Variants in TMEM243 observed in about 807,000 individuals in gnomAD.
TMEM243 encodes MDR1 and mitochondrial taxol resistance associated.
A neutral mutation model predicts 15.0 loss-of-function variants in TMEM243; 20 were observed. The observed-to-expected ratio is 1.33, with a 90% CI of 0.94 to 1.93. The LOEUF (loss-of-function observed/expected upper bound fraction) is 1.93. TMEM243 is among the 30% of genes most tolerant of loss of function. The pLI, the probability that TMEM243 is intolerant of heterozygous loss-of-function variation, is 0.00. For synonymous variants in TMEM243, 72 were observed against 52.7 expected, an observed-to-expected ratio of 1.37 and a Z score of -1.59; for missense variants, 156 against 142.1, an observed-to-expected ratio of 1.10 and a Z score of -0.50.
At chr7:87,204,870 C>T (rs1802093081) in intron 1 of TMEM243, among the ~76,000 whole-genome samples, 1 of 152,256 alleles carries the variant, frequency 6.6e-6, no homozygotes, top group Non-Finnish European at 1.5e-5. Flanking sequence ...GGAGCTTCAA[C>T]CCCACATTTC....
chr7:87,199,908 T>C (rs1156859485), intron 1 of TMEM243, among the ~76,000 whole-genome samples: 1 of 152,228 alleles, frequency 6.6e-6, no homozygotes, highest in Non-Finnish European at 1.5e-5. Context: ...TGCAGTCTTA[T>C]TTCTGAGAAG....
intron 1 of TMEM243, among the ~76,000 whole-genome samples, chr7:87,212,880 T>G (rs1802851691): frequency 6.6e-6 from 1 of 151,748 alleles, no homozygotes; most frequent in Admixed American, 6.6e-5. Context: ...GAAGAGCTTA[T>G]TCTATAGTTA....
intron 1 of TMEM243, among the ~76,000 whole-genome samples, chr7:87,218,206 A>G (rs964600921): frequency 1.3e-5 from 2 of 152,258 alleles, no homozygotes; most frequent in African/African-American, 4.8e-5. Context: ...ATAATGGTCA[A>G]TAAAGTTTGC....
intron 3 of TMEM243, chr7:87,197,731 G>A (rs1801437171): frequency 3.2e-6 from 3 of 937,752 alleles, no homozygotes; most frequent in East Asian, 3.7e-5. Flanking sequence ...TATCAAGGGA[G>A]TGGAATTTCT....
At chr7:87,200,447 G>A (rs1216358683) in intron 1 of TMEM243, among the ~76,000 whole-genome samples, 1 of 152,126 alleles carries the variant, frequency 6.6e-6, no homozygotes, top group African/African-American at 2.4e-5. Flanking sequence ...AAATCCATGG[G>A]AGCCCCACTA....
At chr7:87,213,960 C>T (rs1562888582) in intron 1 of TMEM243, among the ~76,000 whole-genome samples, 1 of 152,126 alleles carries the variant, frequency 6.6e-6, no homozygotes, top group South Asian at 2.1e-4. Flanking sequence ...CTTTATATAT[C>T]ACATCCAAGA....
At chr7:87,199,292 T>C (rs907579441) in intron 1 of TMEM243, 3 of 433,958 alleles carry the variant, frequency 6.9e-6, no homozygotes, top group Non-Finnish European at 1.2e-5. Context: ...ACATTTATAC[T>C]AGAGTCTTGA....
rs540801261 is a variant in TMEM243 at position 87,209,628 on chromosome 7, GAT to G, written c.78+9796_78+9797del. 4.7e-3 allele frequency among the ~76,000 whole-genome samples: 664 copies of G among 139,866 alleles called. 16 individuals are homozygous for G. The highest frequency in any genetic ancestry group is 0.017 in the African/African-American group (609 of 34,938). 91.8% of individuals were successfully genotyped at this position (139,866 alleles called of 152,430 possible). A position where few individuals can be genotyped will look rare whatever the true frequency, so the allele number is the denominator to read the frequency against. ...AGAGAGAGACAGAGAGAGAGACTGA[GAT>G]AGAGAGCGAGAGAGACAGTGAGAGA... On this transcript the variant is annotated intron_variant, in intron 1 of 3. Transcript: ENST00000257637.
chr7:87,207,241 G>C (rs1006433634), intron 1 of TMEM243, among the ~76,000 whole-genome samples: 1 of 152,142 alleles, frequency 6.6e-6, no homozygotes, highest in African/African-American at 2.4e-5. Context: ...TCAATCCTTC[G>C]GCAATGCTCC....
At chr7:87,219,368 A>G in intron 1 of TMEM243, 58 bp downstream of exon 1, 2 of 1,557,570 alleles carry the variant, frequency 1.3e-6, no homozygotes, top group Non-Finnish European at 8.9e-7. Flanking sequence ...GGACTCCGCC[A>G]GAGGGCAGGC....
At chr7:87,208,810 C>G (rs1239806366) in intron 1 of TMEM243, among the ~76,000 whole-genome samples, 1 of 152,246 alleles carries the variant, frequency 6.6e-6, no homozygotes, top group East Asian at 1.9e-4. Context: ...CTAATTCAGA[C>G]AAAGCCAAGC....
At chr7:87,207,217 C>G (rs1051765607) in intron 1 of TMEM243, among the ~76,000 whole-genome samples, 1 of 152,232 alleles carries the variant, frequency 6.6e-6, no homozygotes, top group African/African-American at 2.4e-5. Context: ...CAGCTCTGAA[C>G]TCCAGCTGAC....
chr7:87,219,408 G>A lies in TMEM243; in HGVS notation c.78+18C>T. 1.2e-6 allele frequency: 2 copies of A among 1,613,286 alleles called. No homozygotes were observed. Among genetic ancestry groups the A allele is most frequent in the Non-Finnish European group, 1.7e-6 (2 of 1,179,202 alleles). On this transcript the variant is annotated intron_variant, in intron 1 of 3. Transcript: ENST00000257637. The stretch of plus-strand genomic sequence containing the variant: ...GACACACCCCCCATCCCAGTCTGGA[G>A]TCACAATCCGCACTCACCTTGGCGG...
chr7:87,204,114 G>C (rs571157608), intron 1 of TMEM243, among the ~76,000 whole-genome samples: 1 of 152,286 alleles, frequency 6.6e-6, no homozygotes, highest in South Asian at 2.1e-4. Flanking sequence ...GAGAAAATGA[G>C]AGCCAAGCAA....
chr7:87,198,864 T>G (rs983297133), intron 2 of TMEM243, 143 bp downstream of exon 2: 10 of 648,352 alleles, frequency 1.5e-5, no homozygotes, highest in Non-Finnish European at 2.1e-5. Context: ...AGAATTAAAT[T>G]AGCTACTCCA....
intron 1 of TMEM243, among the ~76,000 whole-genome samples, chr7:87,203,501 G>C (rs1028771077): frequency 6.6e-6 from 1 of 151,866 alleles, no homozygotes; most frequent in Non-Finnish European, 1.5e-5. Flanking sequence ...TGTAGTCTCA[G>C]CTACTTGGGA....
In TMEM243 at chr7:87,196,576, T is replaced by C; in HGVS notation, c.*60A>G. 6.5e-7 allele frequency: 1 copy of C among 1,531,246 alleles called. No homozygotes were observed. Among genetic ancestry groups the C allele is most frequent in the Non-Finnish European group, 8.8e-7 (1 of 1,142,832 alleles). The allele number at this position is 1,531,246 out of a possible 1,614,324, so 94.9% of individuals were successfully genotyped here. ...TCTTCAGCATACCTTATCCAAAAAT[T>C]ACTCACTGTCCTAATGTATCATTTT... On this transcript the variant is annotated 3_prime_UTR_variant, in exon 4 of 4. Coordinates refer to ENST00000257637, the MANE Select transcript of TMEM243 (RefSeq NM_024315.4).
Position 87,196,582 on chromosome 7 carries a change from C to G in TMEM243, c.*54G>C. 1 of 1,542,196 alleles carries G rather than the reference C, an allele frequency of 6.5e-7. No homozygotes were observed. The highest frequency in any genetic ancestry group is 8.7e-7 in the Non-Finnish European group (1 of 1,151,828). On this transcript the variant is annotated 3_prime_UTR_variant, in exon 4 of 4. Coordinates refer to ENST00000257637, the MANE Select transcript of TMEM243 (RefSeq NM_024315.4). The stretch of plus-strand genomic sequence containing the variant: ...GCATACCTTATCCAAAAATTACTCA[C>G]TGTCCTAATGTATCATTTTGAAGAG...
chr7:87,196,484 C>T lies in TMEM243; in HGVS notation c.*152G>A. On this transcript the variant is annotated 3_prime_UTR_variant, in exon 4 of 4. Transcript: ENST00000257637. ...AAGCAAAGTGATCTAGGATATGTCT[C>T]CCTTGCAAGAGGGAATTAACATTTA... 1 of 747,116 alleles carries T rather than the reference C, an allele frequency of 1.3e-6. No homozygotes were observed. The highest frequency in any genetic ancestry group is 3.1e-5 in the East Asian group (1 of 32,252). 46.3% of individuals were successfully genotyped at this position (747,116 alleles called of 1,614,324 possible). A position where few individuals can be genotyped will look rare whatever the true frequency, so the allele number is the denominator to read the frequency against.
Sources: gnomAD v4.1 joint callset for allele counts (sites outside exome capture counted in the v4.1 genomes callset) on GRCh38, gnomAD v4.1.1 for gene constraint, MANE v1.5 for transcripts, NCBI Gene and HGNC (gene_info 2026-07-23, HGNC 2026-07-21) for gene names.